NPAS1: variants seen among roughly 807,000 people sequenced by gnomAD.
NPAS1 encodes neuronal PAS domain protein 1.
A neutral mutation model predicts 49.2 loss-of-function variants in NPAS1; 29 were observed. That is an observed-to-expected ratio of 0.59 (90% CI 0.44 to 0.80). The LOEUF (loss-of-function observed/expected upper bound fraction) is 0.80. NPAS1 is among the 30% of genes least tolerant of loss of function. The pLI is 0.00. For missense variants in NPAS1, 825 were observed against 835.5 expected (o/e 0.99, Z 0.15); for synonymous variants, 408 against 380.4 (o/e 1.07, Z -0.84).
chr19:47,045,714 C>A lies in NPAS1; in HGVS notation c.*63C>A. ...CCGGGGTCCCCCAGGACAGTAGGCC[C>A]GGCTCTGCCCGTAGCCCTGAGAATT... On this transcript the variant is annotated 3_prime_UTR_variant, in exon 12 of 12. Transcript: ENST00000602212. 1 of 1,290,716 alleles carries A rather than the reference C, an allele frequency of 7.7e-7. No homozygotes were observed. Among genetic ancestry groups the A allele is most frequent in the South Asian group, 1.6e-5 (1 of 61,148 alleles). The allele number at this position is 1,290,716 out of a possible 1,614,324, so 80.0% of individuals were successfully genotyped here. A position where few individuals can be genotyped will look rare whatever the true frequency, so the allele number is the denominator to read the frequency against.
chr19:47,032,778 C>T (rs2056916743), intron 5 of NPAS1, 46 bp downstream of exon 5: 1 of 1,360,700 alleles, frequency 7.3e-7, no homozygotes. Context: ...CACCATCTCC[C>T]TTGCCAGGCC....
In NPAS1 at chr19:47,021,654, C is replaced by T. The variant is rs146818939; in HGVS notation, c.165C>T (p.Arg55=). The T allele has an allele frequency of 7.3e-4, 1,132 of 1,554,058 alleles. 7 individuals carry two copies. The African/African-American group carries it at 0.014, about 19-fold the overall frequency. ...AGGAGAAGTCCCGGAACGCGGCGCG[C>T]TCGCGGCGCGGGAAGGAGAACCTGG... ...QRKEKSRNAA[R]SRRGKENLEF... The change falls in exon 3 of 12, where the codon CGC becomes CGT. Residue 55 remains arginine (R), a synonymous_variant. Coordinates refer to ENST00000602212, the MANE Select transcript of NPAS1 (RefSeq NM_002517.4). This position sits in a 1 kb window ranked among gnomAD's most constrained non-coding sequence, Gnocchi z 5.7.
At position 47,042,740 on chromosome 19, in the gene NPAS1, G is replaced by A. The variant is rs1427411526; in HGVS notation, c.1218-70G>A. 1.4e-5 allele frequency: 18 copies of A among 1,311,140 alleles called. No homozygotes were observed. In the African/African-American group the frequency reaches 2.4e-4, roughly 17 times the overall value. The allele number at this position is 1,311,140 out of a possible 1,614,324, so 81.2% of individuals were successfully genotyped here. ...GAGTGTCCACACATTGCCACAAGTT[G>A]GGTAAAGCAGGAGGGAGTCCTGAGA... On this transcript the variant is annotated intron_variant, in intron 10 of 11. Transcript: ENST00000602212.
At chr19:47,023,903 G>A (rs917802985) in intron 3 of NPAS1, among the ~76,000 whole-genome samples, 14 of 152,050 alleles carry the variant, frequency 9.2e-5, no homozygotes, top group East Asian at 3.9e-4. Context: ...TCAGGAGTTC[G>A]AGACCATCCT....
chr19:47,031,933 G>C (rs2056908387), intron 3 of NPAS1, among the ~76,000 whole-genome samples: 1 of 152,148 alleles, frequency 6.6e-6, no homozygotes, highest in Non-Finnish European at 1.5e-5. Flanking sequence ...CAGGAGGCAG[G>C]GGTTGCTGGG....
chr19:47,037,513 GGTCT>G (rs2056969851), intron 6 of NPAS1, among the ~76,000 whole-genome samples: 1 of 152,038 alleles, frequency 6.6e-6, no homozygotes, highest in South Asian at 2.1e-4. Flanking sequence ...TTCTAGCCCA[GGTCT>G]GTCTGTTCCG....
chr19:47,021,718 G>T lies in NPAS1; in HGVS notation c.229G>T (p.Ala77Ser). Residue 77 changes from alanine (A) to serine (S), a missense_variant, in exon 3 of 12, where the codon GCC (alanine) becomes TCC (serine). Coordinates refer to ENST00000602212, the MANE Select transcript of NPAS1 (RefSeq NM_002517.4). The surrounding 1 kb of genome is among the most constrained non-coding windows in gnomAD (Gnocchi z 5.7). ...ELAKLLPLPG[A>S]ISSQLDKASI... The stretch of plus-strand genomic sequence containing the variant: ...GGCCAAGCTTCTCCCGCTGCCCGGC[G>T]CCATCTCCAGCCAGCTGGACAAGGC... 1 of 1,550,968 alleles carries T rather than the reference G, an allele frequency of 6.4e-7. No individual in the cohort carries two copies. Among genetic ancestry groups the T allele is most frequent in the Non-Finnish European group, 8.7e-7 (1 of 1,148,616 alleles).
At position 47,040,514 on chromosome 19, in the gene NPAS1, C is replaced by G. The variant is rs771716392; in HGVS notation, c.1033C>G (p.Gln345Glu). The change falls in exon 9 of 12, where the codon CAG (glutamine) becomes GAG (glutamate). Residue 345 changes from glutamine to glutamate, a missense_variant. Gln to Glu is a conservative substitution (Grantham distance 29, BLOSUM62 2). Transcript: ENST00000602212. ...CAGCTGCTACCAGTTTGTCCACGGA[C>G]AGGACGCCACGAGGATCCGCCAGAG... Reference protein sequence around the residue: ...GRSCYQFVHGQDATRIRQSHV... With the variant: ...GRSCYQFVHGEDATRIRQSHV... 1.9e-6 allele frequency: 3 copies of G among 1,602,202 alleles called. No homozygotes were observed. In the South Asian group the frequency reaches 3.4e-5, roughly 18 times the overall value.
intron 1 of NPAS1, 34 bp downstream of exon 1, chr19:47,020,031 C>T (rs1444230014): frequency 5.5e-6 from 2 of 364,300 alleles, no homozygotes; most frequent in African/African-American, 4.6e-5. Context: ...AGGAGGGGGA[C>T]TTCTGGGTCC....
Position 47,040,530 on chromosome 19 carries a change from T to A in NPAS1, c.1049T>A (p.Ile350Asn). ...QFVHGQDATR[I>N]RQSHVDLLDK... Reference sequence around the variant, plus strand: ...GTCCACGGACAGGACGCCACGAGGATCCGCCAGAGCCACGTGGACTGTGAG... The same window carrying A: ...GTCCACGGACAGGACGCCACGAGGAACCGCCAGAGCCACGTGGACTGTGAG... The change falls in exon 9 of 12, where the codon ATC becomes AAC. Residue 350 changes from isoleucine (I) to asparagine (N), a missense_variant. By Grantham distance (149) the Ile-to-Asn change is moderately radical. Coordinates refer to ENST00000602212, the MANE Select transcript of NPAS1 (RefSeq NM_002517.4). 1 of 1,592,810 alleles carries A rather than the reference T, an allele frequency of 6.3e-7. No individual in the cohort carries two copies. The highest frequency in any genetic ancestry group is 8.5e-7 in the Non-Finnish European group (1 of 1,170,290).
chr19:47,027,300 C>A (rs992820030), intron 3 of NPAS1, among the ~76,000 whole-genome samples: 5 of 152,132 alleles, frequency 3.3e-5, no homozygotes, highest in African/African-American at 1.2e-4. Context: ...TTGGAAGAGG[C>A]CTTGGCTTCT....
chr19:47,044,346 T>G (rs1421080940), intron 11 of NPAS1, among the ~76,000 whole-genome samples: 2 of 152,118 alleles, frequency 1.3e-5, no homozygotes, highest in Admixed American at 1.3e-4. Flanking sequence ...GTGCTGGGAT[T>G]ACAGGCATGA....
chr19:47,021,904 GC>G lies in NPAS1; in HGVS notation c.358+60del. On this transcript the variant is annotated intron_variant, in intron 3 of 11. Transcript: ENST00000602212. This position sits in a 1 kb window ranked among gnomAD's most constrained non-coding sequence, Gnocchi z 5.7. ...GGGCCCTCCAGGCGGAGTCACTGCAGCCCAGATCCGGGCTGCGGGCCTGCCC... is the reference window on the plus strand; with the variant it reads ...GGGCCCTCCAGGCGGAGTCACTGCAGCCAGATCCGGGCTGCGGGCCTGCCC... 8.4e-7 allele frequency: 1 copy of G among 1,184,182 alleles called. No individual in the cohort carries two copies. The highest frequency in any genetic ancestry group is 1.1e-6 in the Non-Finnish European group (1 of 897,090). The allele number at this position is 1,184,182 out of a possible 1,614,324, so 73.4% of individuals were successfully genotyped here.
chr19:47,032,483 C>T (rs2056913455), intron 4 of NPAS1, 132 bp downstream of exon 4: 4 of 1,118,414 alleles, frequency 3.6e-6, no homozygotes, highest in South Asian at 2.7e-5. Flanking sequence ...CTCAAGATCC[C>T]TCCACTCCCT....
At chr19:47,039,286 G>A (rs2056993183) in intron 7 of NPAS1, 121 bp from the exon 8 acceptor site, 8 of 1,477,670 alleles carry the variant, frequency 5.4e-6, no homozygotes, top group Non-Finnish European at 6.5e-6. Context: ...GGACTGGGGG[G>A]GTCACACAGT....
intron 11 of NPAS1, among the ~76,000 whole-genome samples, chr19:47,043,156 C>T (rs892380992): frequency 3.3e-5 from 5 of 150,700 alleles, no homozygotes; most frequent in Admixed American, 2.0e-4. Context: ...ATTAGCTGGG[C>T]GTGGTGGCAT....
rs561855554 is a variant in NPAS1, at chr19:47,038,995, C to T, written c.689-41C>T. On this transcript the variant is annotated intron_variant, in intron 6 of 11. Transcript: ENST00000602212. ...AGGGTCAGGGTGGCCTGTGTGTTTC[C>T]TCTTCAGGACCCCATAACCTTCCTT... 3.1e-5 allele frequency: 49 copies of T among 1,579,712 alleles called. No individual in the cohort carries two copies. The South Asian group carries it at 3.8e-4, about 12-fold the overall frequency.
intron 3 of NPAS1, among the ~76,000 whole-genome samples, chr19:47,031,813 G>A (rs1348671997): frequency 6.6e-6 from 1 of 151,858 alleles, no homozygotes; most frequent in African/African-American, 2.4e-5. Flanking sequence ...ACAGGTGTGA[G>A]CCACCTCGCC....
In NPAS1 at chr19:47,036,008, G is replaced by C. The variant is rs1363719639; in HGVS notation, c.567G>C (p.Gly189=). The C allele has an allele frequency of 6.3e-7, 1 of 1,583,072 alleles. No homozygotes were observed. The highest frequency in any genetic ancestry group is 1.4e-5 in the African/African-American group (1 of 73,474). Residue 189 remains glycine (G), a synonymous_variant, in exon 6 of 12, where the codon GGG becomes GGC. Transcript: ENST00000602212. The part of the protein sequence containing the change: ...GSSVFDYIHP[G]DHSEVLEQLG... ...GCGTCTTCGACTACATTCACCCTGG[G>C]GACCACTCAGAGGTGCTGGAGCAAC...
Sources: allele counts gnomAD v4.1 joint callset (sites outside exome capture counted in the v4.1 genomes callset), GRCh38; gene constraint gnomAD v4.1.1; non-coding constraint Gnocchi (gnomAD v3.1); transcripts MANE v1.5; gene names NCBI Gene and HGNC (gene_info 2026-07-23, HGNC 2026-07-21).